The following CSNK1G3 variants were observed in gnomAD, a reference collection of about 807,000 sequenced individuals.
CSNK1G3 encodes casein kinase 1 gamma 3.
CSNK1G3 carries 23 observed loss-of-function variants against 64.3 expected under a neutral mutation model. The observed-to-expected ratio is 0.36, with a 90% CI of 0.26 to 0.51. CSNK1G3 has a LOEUF of 0.51. Among genes scored for constraint, CSNK1G3 ranks in the 20% least tolerant of loss-of-function variants. The probability of loss-of-function intolerance (pLI) is 0.96; values close to 1 mark genes in which losing one functional copy is unlikely to be tolerated. For synonymous variants in CSNK1G3, 158 were observed against 162.2 expected, an observed-to-expected ratio of 0.97 and a Z score of 0.20; for missense variants, 357 against 510.5, an observed-to-expected ratio of 0.70 and a Z score of 2.90.
intron 1 of CSNK1G3, among the ~76,000 whole-genome samples, chr5:123,536,448 A>G (rs939537934): frequency 2.0e-5 from 3 of 151,204 alleles, no homozygotes; most frequent in Non-Finnish European, 3.0e-5. Flanking sequence ...TTTAAAAAAA[A>G]AAGCTTCTTA....
At chr5:123,588,263 C>A in intron 7 of CSNK1G3, 110 bp downstream of exon 7, 1 of 1,035,300 alleles carries the variant, frequency 9.7e-7, no homozygotes, top group Non-Finnish European at 1.5e-6. Context: ...TGTAAGTAGG[C>A]ATCAGGGCTC....
chr5:123,525,169 C>T (rs928463519), intron 1 of CSNK1G3, among the ~76,000 whole-genome samples: 7 of 151,498 alleles, frequency 4.6e-5, no homozygotes, highest in Non-Finnish European at 1.0e-4. Flanking sequence ...CTGCCTTTAG[C>T]ACATAATAGG....
intron 2 of CSNK1G3, among the ~76,000 whole-genome samples, chr5:123,551,693 C>G (rs1783679849): frequency 6.6e-6 from 1 of 152,090 alleles, no homozygotes; most frequent in African/African-American, 2.4e-5. Flanking sequence ...GAAGGAGGTT[C>G]AGGCCATTAT....
At chr5:123,591,329 T>G in exon 10 of CSNK1G3, 1 of 1,602,790 alleles carries the variant, frequency 6.2e-7, no homozygotes, top group Non-Finnish European at 8.5e-7. Context: ...CCTACTCCAG[T>G]GGGTGCAGTT....
intron 4 of CSNK1G3, among the ~76,000 whole-genome samples, chr5:123,569,172 G>A (rs1787571296): frequency 6.6e-6 from 1 of 152,094 alleles, no homozygotes; most frequent in African/African-American, 2.4e-5. Flanking sequence ...GAAAATGATA[G>A]GGTAATTTTC....
intron 1 of CSNK1G3, among the ~76,000 whole-genome samples, chr5:123,515,949 A>G (rs995837167): frequency 2.0e-5 from 3 of 152,188 alleles, no homozygotes; most frequent in Non-Finnish European, 4.4e-5. Context: ...AGTTTAAATA[A>G]TGTGTTGAAG....
chr5:123,547,145 G>A (rs1417311261), intron 2 of CSNK1G3, among the ~76,000 whole-genome samples: 1 of 152,090 alleles, frequency 6.6e-6, no homozygotes, highest in Non-Finnish European at 1.5e-5. Context: ...ATTAGACATT[G>A]ATAATATGCT....
chr5:123,531,564 C>A (rs1051363729), intron 1 of CSNK1G3, among the ~76,000 whole-genome samples: 20 of 151,936 alleles, frequency 1.3e-4, no homozygotes, highest in African/African-American at 4.6e-4. Context: ...ATTACTATAT[C>A]AAAATTGTAA....
intron 1 of CSNK1G3, among the ~76,000 whole-genome samples, chr5:123,514,981 A>T (rs1776889272): frequency 6.6e-6 from 1 of 152,210 alleles, no homozygotes; most frequent in Admixed American, 6.5e-5. Flanking sequence ...AACAAGTTAT[A>T]ATAAAATAGT....
intron 1 of CSNK1G3, among the ~76,000 whole-genome samples, chr5:123,515,354 A>C (rs1349897811): frequency 6.6e-6 from 1 of 152,232 alleles, no homozygotes; most frequent in Non-Finnish European, 1.5e-5. Context: ...GGAATGCTGA[A>C]GTATTGAATA....
At chr5:123,570,892 G>A (rs930476013) in intron 4 of CSNK1G3, among the ~76,000 whole-genome samples, 10 of 152,098 alleles carry the variant, frequency 6.6e-5, no homozygotes, top group Non-Finnish European at 1.0e-4. Flanking sequence ...GAGAGCTGTC[G>A]ATGTTGTGGT....
At chr5:123,546,474 T>C (rs1004157452) in intron 2 of CSNK1G3, among the ~76,000 whole-genome samples, 1 of 152,042 alleles carries the variant, frequency 6.6e-6, no homozygotes, top group African/African-American at 2.4e-5. Context: ...GAAAATGAAT[T>C]GTCAGATGTT....
At chr5:123,534,173 A>G (rs954239686) in intron 1 of CSNK1G3, among the ~76,000 whole-genome samples, 6 of 152,144 alleles carry the variant, frequency 3.9e-5, no homozygotes, top group African/African-American at 9.7e-5. Context: ...ACGACAGGCA[A>G]TTATAAAACT....
chr5:123,596,502 C>G (rs936376842), intron 10 of CSNK1G3, among the ~76,000 whole-genome samples: 1 of 152,028 alleles, frequency 6.6e-6, no homozygotes, highest in African/African-American at 2.4e-5. Context: ...ATTTCTGTAC[C>G]ATTACCAGAT....
At position 123,518,149 on chromosome 5, in the gene CSNK1G3, T is replaced by C. The variant is rs539466433; in HGVS notation, c.-248+5579T>C. 7.2e-5 allele frequency among the ~76,000 whole-genome samples: 11 copies of C among 152,258 alleles called. No homozygotes were observed. The South Asian group carries it at 1.0e-3, about 14-fold the overall frequency. On this transcript the variant is annotated intron_variant, in intron 1 of 12. Coordinates refer to ENST00000345990, the Ensembl canonical transcript of CSNK1G3. ...AACATCTCCATCCAATTAGGAATGC[T>C]GGGGTAGAGGAGATTGTTCTTTGAA...
At chr5:123,609,079 TGGA>T (rs952545327) in intron 12 of CSNK1G3, among the ~76,000 whole-genome samples, 6 of 152,122 alleles carry the variant, frequency 3.9e-5, no homozygotes, top group African/African-American at 1.4e-4. Context: ...TTGAACCAGT[TGGA>T]GGAGTAACTC....
At chr5:123,514,374 A>G (rs1776767953) in intron 1 of CSNK1G3, among the ~76,000 whole-genome samples, 2 of 152,244 alleles carry the variant, frequency 1.3e-5, no homozygotes, top group African/African-American at 4.8e-5. Flanking sequence ...TCTTCAGTAC[A>G]TGAAAGGCAT....
At chr5:123,527,103 A>G (rs1338100552) in intron 1 of CSNK1G3, among the ~76,000 whole-genome samples, 1 of 152,100 alleles carries the variant, frequency 6.6e-6, no homozygotes, top group Non-Finnish European at 1.5e-5. Context: ...TTGATTGCAC[A>G]CCAGCAATAT....
At chr5:123,546,760 ACTT>A (rs955104059) in intron 2 of CSNK1G3, among the ~76,000 whole-genome samples, 10 of 152,242 alleles carry the variant, frequency 6.6e-5, no homozygotes, top group African/African-American at 2.2e-4. Context: ...GTATTCAACT[ACTT>A]CTTCTTTTCA....
Sources: allele counts gnomAD v4.1 joint callset (sites outside exome capture counted in the v4.1 genomes callset), GRCh38; gene constraint gnomAD v4.1.1; transcripts MANE v1.5; gene names NCBI Gene and HGNC (gene_info 2026-07-23, HGNC 2026-07-21).